Variants in GIN1 observed in about 807,000 individuals in gnomAD.
GIN1 encodes gypsy retrotransposon integrase 1.
Under a neutral mutation model 51.4 loss-of-function variants are expected in GIN1, and 41 were observed. That is an observed-to-expected ratio of 0.80 (90% confidence interval 0.62 to 1.04). The LOEUF is 1.04. Among genes scored for constraint, GIN1 ranks in the 50% least tolerant of loss-of-function variants. The pLI, the probability that GIN1 is intolerant of heterozygous loss-of-function variation, is 0.00. For missense variants in GIN1, 610 were observed against 612.4 expected (o/e 1.00, Z 0.04); for synonymous variants, 222 against 206.5 (o/e 1.07, Z -0.64).
intron 7 of GIN1, among the ~76,000 whole-genome samples, chr5:103,092,155 T>G (rs1197851608): frequency 6.6e-6 from 1 of 151,960 alleles, no homozygotes; most frequent in African/African-American, 2.4e-5. Flanking sequence ...TAGCTAAAAC[T>G]AAAGGTGCGT....
intron 7 of GIN1, among the ~76,000 whole-genome samples, chr5:103,089,272 G>A (rs1239038802): frequency 6.6e-6 from 1 of 152,078 alleles, no homozygotes; most frequent in Non-Finnish European, 1.5e-5. Context: ...AGACTAATAT[G>A]TATAAAAGGA....
intron 1 of GIN1, among the ~76,000 whole-genome samples, chr5:103,112,718 C>T (rs979889818): frequency 8.5e-5 from 13 of 152,290 alleles, no homozygotes; most frequent in Admixed American, 3.9e-4. Flanking sequence ...ATCTTGACCT[C>T]TCCTAATCTT....
At chr5:103,117,842 T>C (rs185039693) in intron 1 of GIN1, among the ~76,000 whole-genome samples, 3 of 152,226 alleles carry the variant, frequency 2.0e-5, no homozygotes, top group East Asian at 3.9e-4. Context: ...GGTAATAAAG[T>C]GAGTACATGC....
intron 7 of GIN1, among the ~76,000 whole-genome samples, chr5:103,096,147 G>C (rs1295393232): frequency 6.6e-6 from 1 of 151,780 alleles, no homozygotes. Context: ...TTCAAGACCA[G>C]CCTAGCTAAC....
At chr5:103,101,741 A>G (rs1201612261) in intron 4 of GIN1, among the ~76,000 whole-genome samples, 2 of 152,240 alleles carry the variant, frequency 1.3e-5, no homozygotes, top group Admixed American at 6.5e-5. Flanking sequence ...CTTTCAGGAT[A>G]CCTTCACATA....
intron 1 of GIN1, among the ~76,000 whole-genome samples, chr5:103,110,778 G>T (rs1381565713): frequency 6.6e-6 from 1 of 152,138 alleles, no homozygotes; most frequent in African/African-American, 2.4e-5. Flanking sequence ...GTACAAAAAT[G>T]TTCATAGATA....
At chr5:103,103,538 T>C (rs1462086811) in intron 4 of GIN1, among the ~76,000 whole-genome samples, 2 of 152,240 alleles carry the variant, frequency 1.3e-5, no homozygotes, top group African/African-American at 4.8e-5. Context: ...CTATCTCTGA[T>C]TTTTCTTAAA....
intron 1 of GIN1, among the ~76,000 whole-genome samples, chr5:103,118,304 T>C (rs1788103587): frequency 6.6e-6 from 1 of 152,156 alleles, no homozygotes; most frequent in Non-Finnish European, 1.5e-5. Flanking sequence ...CTATCCCTTT[T>C]TTGCAATTAC....
rs899764891 is a variant in GIN1, at chr5:103,104,649, T to C, written c.531A>G (p.Leu177=). The change falls in exon 4 of 8, where the codon CTA becomes CTG. Residue 177 remains leucine, a synonymous_variant. Transcript: ENST00000399004. ...AAACTTCTGATGCTGAAACATCACA[T>C]AGAGGCAAAATCACAATCCATTTGG... The part of the protein sequence containing the change: ...LFTKWIVILP[L]CDVSASEVSK... 5.0e-6 allele frequency: 8 copies of C among 1,607,416 alleles called. No individual in the cohort carries two copies. Among genetic ancestry groups the C allele is most frequent in the Admixed American group, 1.7e-5 (1 of 60,012 alleles).
intron 4 of GIN1, among the ~76,000 whole-genome samples, chr5:103,099,897 T>C (rs1262891335): frequency 6.6e-6 from 1 of 152,190 alleles, no homozygotes; most frequent in Non-Finnish European, 1.5e-5. Flanking sequence ...TTGTGTATTA[T>C]GTTATAATAT....
intron 1 of GIN1, among the ~76,000 whole-genome samples, chr5:103,119,344 A>G (rs1788265328): frequency 1.3e-5 from 2 of 152,184 alleles, no homozygotes; most frequent in South Asian, 4.1e-4. Context: ...GGACACGCAC[A>G]ATTTTATGCA....
intron 1 of GIN1, among the ~76,000 whole-genome samples, chr5:103,114,706 A>C (rs1232410672): frequency 6.6e-6 from 1 of 152,206 alleles, no homozygotes; most frequent in Non-Finnish European, 1.5e-5. Context: ...CATTCACAGT[A>C]ATATGTGTCA....
chr5:103,090,925 ACTC>A (rs1448668538), intron 7 of GIN1, among the ~76,000 whole-genome samples: 1 of 147,976 alleles, frequency 6.8e-6, no homozygotes, highest in Non-Finnish European at 1.5e-5. Flanking sequence ...ACACACACAC[ACTC>A]TTTTTCTTCT....
chr5:103,104,762 A>G lies in GIN1; in HGVS notation c.418T>C (p.Trp140Arg). ...KQHLLKVENPWSLVTVDLMGP... is the reference protein window; with the variant it reads ...KQHLLKVENPRSLVTVDLMGP... Reference sequence around the variant, plus strand: ...ATCAGATCAACAGTAACTAAACTCCATGGATTTTCCACCTTGAGAAGGTGC... The same window carrying G: ...ATCAGATCAACAGTAACTAAACTCCGTGGATTTTCCACCTTGAGAAGGTGC... Residue 140 changes from tryptophan (W) to arginine (R), a missense_variant, in exon 4 of 8, where the codon TGG (tryptophan) becomes CGG (arginine). Physicochemically the swap from Trp to Arg is moderately radical, Grantham distance 101. Transcript: ENST00000399004. The G allele has an allele frequency of 6.2e-7, 1 of 1,611,808 alleles. No homozygotes were observed. The highest frequency in any genetic ancestry group is 8.5e-7 in the Non-Finnish European group (1 of 1,177,980).
At chr5:103,090,372 T>C (rs1554194401) in intron 7 of GIN1, among the ~76,000 whole-genome samples, 1 of 152,222 alleles carries the variant, frequency 6.6e-6, no homozygotes, top group Non-Finnish European at 1.5e-5. Flanking sequence ...ATCAATAACA[T>C]TGAAACACTT....
rs1324707920 is a variant in GIN1 at position 103,108,710 on chromosome 5, T to C, written c.-3A>G. The C allele has an allele frequency of 2.5e-6, 4 of 1,587,810 alleles. No individual in the cohort carries two copies. The highest frequency in any genetic ancestry group is 3.4e-6 in the Non-Finnish European group (4 of 1,163,558). ...CCATTTTTTCCACTACGGACCATTGTGAACCTAGGTAAAAGGTATTTAAAA... is the reference window on the plus strand; with the variant it reads ...CCATTTTTTCCACTACGGACCATTGCGAACCTAGGTAAAAGGTATTTAAAA... On this transcript the variant is annotated 5_prime_UTR_variant, in exon 2 of 8. Coordinates refer to ENST00000399004, the MANE Select transcript of GIN1 (RefSeq NM_017676.2).
chr5:103,104,642 CATCACATAGAGGCAAA>C lies in GIN1; in HGVS notation c.522_537del (p.Ile174MetfsTer24), dbSNP rs1787672053. 6.2e-7 allele frequency: 1 copy of C among 1,602,066 alleles called. No homozygotes were observed. The highest frequency in any genetic ancestry group is 1.1e-5 in the South Asian group (1 of 90,872). On this transcript the variant is annotated frameshift_variant, in exon 4 of 8. Transcript: ENST00000399004. LOFTEE classifies it high-confidence loss of function. ...GCTTTAGAAACTTCTGATGCTGAAA[CATCACATAGAGGCAAA>C]ATCACAATCCATTTGGTGAACAAAT...
intron 3 of GIN1, 22 bp downstream of exon 3, chr5:103,106,694 A>C (rs1787734155): frequency 1.2e-5 from 16 of 1,355,890 alleles, no homozygotes; most frequent in Non-Finnish European, 1.5e-5. Flanking sequence ...TATTCATAAT[A>C]CTCTAAATAC....
At chr5:103,094,570 A>G (rs1787340173) in intron 7 of GIN1, among the ~76,000 whole-genome samples, 2 of 152,196 alleles carry the variant, frequency 1.3e-5, no homozygotes, top group African/African-American at 4.8e-5. Flanking sequence ...AAGAAGCACA[A>G]TATTTGACTT....
Sources: allele counts gnomAD v4.1 joint callset (sites outside exome capture counted in the v4.1 genomes callset), GRCh38; gene constraint gnomAD v4.1.1; transcripts MANE v1.5; gene names NCBI Gene and HGNC (gene_info 2026-07-23, HGNC 2026-07-21).